Variants in PIK3C2G observed in about 807,000 individuals in gnomAD.
PIK3C2G encodes the protein phosphatidylinositol-4-phosphate 3-kinase catalytic subunit type 2 gamma, also known as phosphatidylinositol 3-kinase C2 domain-containing subunit gamma.
Under a neutral mutation model 181.1 loss-of-function variants are expected in PIK3C2G, and 168 were observed. The ratio of observed to expected loss-of-function variants is 0.93; its 90% CI spans 0.82 to 1.05. The LOEUF is 1.05. PIK3C2G is among the 50% of genes least tolerant of loss of function. PIK3C2G has a pLI of 0.00. For missense variants in PIK3C2G, 1,869 were observed against 1,732.8 expected (o/e 1.08, Z -1.40); for synonymous variants, 573 against 592.2 (o/e 0.97, Z 0.47).
At position 18,282,282 on chromosome 12, in the gene PIK3C2G, T is replaced by A; in HGVS notation, c.201T>A (p.Thr67=). The part of the protein sequence containing the change: ...EIDENTFFVP[T]APKWDSTGHS... ...ATGAAAACACCTTTTTTGTGCCCAC[T>A]GCACCAAAATGGGACTCAACAGGGC... Residue 67 remains threonine (T), a synonymous_variant, in exon 2 of 33, where the codon ACT becomes ACA. Coordinates refer to ENST00000538779, the MANE Select transcript of PIK3C2G (RefSeq NM_001288772.2). The A allele has an allele frequency of 6.2e-7, 1 of 1,613,154 alleles. No individual in the cohort carries two copies.
chr12:18,689,936 GAC>G, the PIK3C2G span, among the ~76,000 whole-genome samples: 3 of 152,082 alleles, frequency 2.0e-5, no homozygotes, highest in Non-Finnish European at 2.9e-5. Flanking sequence ...AACAGAGAAA[GAC>G]CCACATGGCC....
chr12:18,672,348 GA>G, the PIK3C2G span, among the ~76,000 whole-genome samples: 1 of 152,020 alleles, frequency 6.6e-6, no homozygotes, highest in African/African-American at 2.4e-5. Flanking sequence ...TAAGAAAAGG[GA>G]AAGGTTTTTA....
At chr12:18,373,347 C>T (rs1034333488) in intron 13 of PIK3C2G, among the ~76,000 whole-genome samples, 5 of 152,042 alleles carry the variant, frequency 3.3e-5, no homozygotes, top group African/African-American at 1.2e-4. Flanking sequence ...ATAATGAGCG[C>T]TTATGTCATT....
intron 11 of PIK3C2G, 131 bp downstream of exon 11, chr12:18,346,967 T>C (rs1939727386): frequency 2.2e-6 from 1 of 456,880 alleles, no homozygotes; most frequent in Non-Finnish European, 3.8e-6. Flanking sequence ...CATAGTTTTA[T>C]CCATATTCTT....
intron 1 of PIK3C2G, among the ~76,000 whole-genome samples, chr12:18,254,554 G>T (rs1233324734): frequency 2.0e-5 from 3 of 151,944 alleles, no homozygotes; most frequent in Non-Finnish European, 4.4e-5. Flanking sequence ...CCTAAAAATA[G>T]TCAGTTTGGG....
chr12:18,519,737 G>A (rs1017926551), intron 24 of PIK3C2G, among the ~76,000 whole-genome samples: 1 of 152,066 alleles, frequency 6.6e-6, no homozygotes, highest in Non-Finnish European at 1.5e-5. Flanking sequence ...ATATTGTTAT[G>A]TGTGAATTTA....
At position 18,399,747 on chromosome 12, in the gene PIK3C2G, G is replaced by T; in HGVS notation, c.2215G>T (p.Ala739Ser). 6.2e-7 allele frequency: 1 copy of T among 1,605,574 alleles called. No individual in the cohort carries two copies. The highest frequency in any genetic ancestry group is 8.5e-7 in the Non-Finnish European group (1 of 1,173,590). ...CTCCCTTCCTTTAGTCCTGGGTAGTGCCCCTGGATGGGATGAAAGGACTGT... is the reference window on the plus strand; with the variant it reads ...CTCCCTTCCTTTAGTCCTGGGTAGTTCCCCTGGATGGGATGAAAGGACTGT... ...NCSLPLVLGS[A>S]PGWDERTVSE... The change falls in exon 16 of 33, where the codon GCC becomes TCC. Residue 739 changes from alanine to serine, a missense_variant. Transcript: ENST00000538779.
At chr12:18,671,396 C>T in the PIK3C2G span, among the ~76,000 whole-genome samples, 4 of 151,798 alleles carry the variant, frequency 2.6e-5, no homozygotes, top group African/African-American at 7.3e-5. Flanking sequence ...AGAAAGAACA[C>T]GAGAGCCTGG....
rs1438569061 is a variant in PIK3C2G at position 18,529,818 on chromosome 12, A to C, written c.3324-8338A>C. The stretch of plus-strand genomic sequence containing the variant: ...TTTCAAGAGGAAGTGCAATATGAAC[A>C]GGATTTTAAAGAAAGGATTGGACTT... On this transcript the variant is annotated intron_variant, in intron 24 of 32. Coordinates refer to ENST00000538779, the MANE Select transcript of PIK3C2G (RefSeq NM_001288772.2). Among the ~76,000 whole-genome samples the C allele has an allele frequency of 3.9e-5, 6 of 152,202 alleles. No individual in the cohort carries two copies. The East Asian group carries it at 1.2e-3, about 29-fold the overall frequency.
At chr12:18,341,450 C>T (rs1329291926) in intron 9 of PIK3C2G, among the ~76,000 whole-genome samples, 1 of 151,852 alleles carries the variant, frequency 6.6e-6, no homozygotes, top group Admixed American at 6.6e-5. Flanking sequence ...TTTGATAAGA[C>T]TAAAATGATT....
At chr12:18,270,979 G>A (rs559325482) in intron 1 of PIK3C2G, among the ~76,000 whole-genome samples, 1 of 152,140 alleles carries the variant, frequency 6.6e-6, no homozygotes, top group Admixed American at 6.6e-5. Context: ...ATGTTTTGCT[G>A]ATTTTTTTAG....
chr12:18,701,931 T>C, the PIK3C2G span, among the ~76,000 whole-genome samples: 1 of 152,090 alleles, frequency 6.6e-6, no homozygotes, highest in Admixed American at 6.6e-5. Context: ...CACATCTCAG[T>C]AGAGGAATGA....
At chr12:18,443,472 C>T (rs1946857482) in intron 18 of PIK3C2G, among the ~76,000 whole-genome samples, 2 of 151,232 alleles carry the variant, frequency 1.3e-5, no homozygotes, top group Admixed American at 1.3e-4. Context: ...TTTCATTTTA[C>T]AGCACACAGG....
At position 18,594,513 on chromosome 12, in the gene PIK3C2G, T is replaced by A. The variant is rs764033041; in HGVS notation, c.4031T>A (p.Phe1344Tyr). Residue 1344 changes from phenylalanine (F) to tyrosine (Y), a missense_variant, in exon 30 of 33, where the codon TTT becomes TAT. Physicochemically the swap from Phe to Tyr is conservative, Grantham distance 22. Transcript: ENST00000538779. ...EVTNSDCVLS[F>Y]FLSEAVQQTV... ...TTTCAGAGTGATTGTGTACTTAGCT[T>A]TTTCCTCTCTGAGGCTGTGCAACAA... 19 of 1,555,446 alleles carry A rather than the reference T, an allele frequency of 1.2e-5. No individual in the cohort carries two copies. In the Admixed American group the frequency reaches 4.0e-4, roughly 33 times the overall value.
chr12:18,644,084 GA>G (rs1454778043), intron 32 of PIK3C2G, among the ~76,000 whole-genome samples: 1 of 152,102 alleles, frequency 6.6e-6, no homozygotes, highest in East Asian at 1.9e-4. Flanking sequence ...ACAGAAAAGT[GA>G]CAGAGTCTCC....
At position 18,571,294 on chromosome 12, in the gene PIK3C2G, TG is replaced by T. The variant is rs904535988; in HGVS notation, c.4011+4238del. On this transcript the variant is annotated intron_variant, in intron 29 of 32. Transcript: ENST00000538779. ...TTTTTCTAAATTTTGCAATGTTTTA[TG>T]ATCCTAAATATGGGCAATTTCGGTA... 1.7e-4 allele frequency among the ~76,000 whole-genome samples: 25 copies of T among 150,944 alleles called. 4 individuals carry two copies. The highest frequency in any genetic ancestry group is 5.9e-4 in the African/African-American group (24 of 40,478).
chr12:18,571,354 T>C (rs908847529), intron 29 of PIK3C2G, among the ~76,000 whole-genome samples: 2 of 150,778 alleles, frequency 1.3e-5, no homozygotes, highest in Non-Finnish European at 2.9e-5. Context: ...GAATGCACCC[T>C]GTAGTTGTGA....
chr12:18,405,720 G>C (rs1944493382), intron 16 of PIK3C2G, among the ~76,000 whole-genome samples: 1 of 152,142 alleles, frequency 6.6e-6, no homozygotes, highest in South Asian at 2.1e-4. Context: ...GGTAGTCACT[G>C]ATGATATCAA....
intron 8 of PIK3C2G, among the ~76,000 whole-genome samples, chr12:18,327,215 T>C (rs75207008): frequency 2.0e-5 from 3 of 152,176 alleles, no homozygotes; most frequent in Non-Finnish European, 2.9e-5. Context: ...TTTAATGAGA[T>C]TTTTGCCTAT....
Sources: gnomAD v4.1 joint callset for allele counts (sites outside exome capture counted in the v4.1 genomes callset) on GRCh38, gnomAD v4.1.1 for gene constraint, MANE v1.5 for transcripts, NCBI Gene and HGNC (gene_info 2026-07-23, HGNC 2026-07-21) for gene names.